The following CACNB2 variants were observed in gnomAD, a reference collection of about 807,000 sequenced individuals.
CACNB2 encodes the protein voltage-dependent L-type calcium channel subunit beta-2.
In CACNB2, 42 loss-of-function variants were observed where a neutral mutation model predicts 73.3. The observed-to-expected ratio is 0.57, with a 90% CI of 0.45 to 0.74. The LOEUF (loss-of-function observed/expected upper bound fraction) is 0.74, where lower values mean the gene tolerates loss of function less well. CACNB2 is among the 30% of genes least tolerant of loss of function. CACNB2 has a pLI of 0.00. For synonymous variants in CACNB2, 348 were observed against 310.3 expected (o/e 1.12, Z -1.28); for missense variants, 940 against 853.0 (o/e 1.10, Z -1.27).
At chr10:18,238,833 C>G (rs562216871) in intron 2 of CACNB2, among the ~76,000 whole-genome samples, 1 of 152,200 alleles carries the variant, frequency 6.6e-6, no homozygotes, top group Non-Finnish European at 1.5e-5. Context: ...CTGCCTTTAA[C>G]TAACACAACC....
chr10:18,515,926 G>T (rs1487452012), intron 7 of CACNB2, among the ~76,000 whole-genome samples: 4 of 152,158 alleles, frequency 2.6e-5, no homozygotes, highest in Non-Finnish European at 1.5e-5. Context: ...TAAATAATTT[G>T]AGCAGGCAGG....
intron 1 of CACNB2, among the ~76,000 whole-genome samples, chr10:18,150,296 C>T (rs1485853031): frequency 6.6e-6 from 1 of 152,184 alleles, no homozygotes. Flanking sequence ...CAGGCTTTTG[C>T]CTCTTGCCTG....
chr10:18,389,459 C>T (rs529707721), intron 2 of CACNB2, among the ~76,000 whole-genome samples: 80 of 152,202 alleles, frequency 5.3e-4, no homozygotes, highest in African/African-American at 1.9e-3. Flanking sequence ...GTTTTACATA[C>T]GTGAATGTAT....
chr10:18,496,185 CAAAAAAAAAAAA>C (rs57139534), intron 3 of CACNB2, among the ~76,000 whole-genome samples: 1 of 84,100 alleles, frequency 1.2e-5, no homozygotes, highest in Non-Finnish European at 2.2e-5. Context: ...GACTCAGTCT[CAAAAAAAAAAAA>C]AAAAAAAAAT....
At chr10:18,292,348 A>T (rs1310275140) in intron 2 of CACNB2, among the ~76,000 whole-genome samples, 1 of 152,186 alleles carries the variant, frequency 6.6e-6, no homozygotes, top group East Asian at 1.9e-4. Flanking sequence ...TCCTAATCAA[A>T]TTTGACTCCT....
At chr10:18,237,405 G>A (rs566585877) in intron 2 of CACNB2, among the ~76,000 whole-genome samples, 1 of 152,302 alleles carries the variant, frequency 6.6e-6, no homozygotes, top group South Asian at 2.1e-4. Flanking sequence ...GTCATCCAAA[G>A]GTGGAGGCAG....
intron 2 of CACNB2, among the ~76,000 whole-genome samples, chr10:18,252,253 CG>C: frequency 6.6e-6 from 1 of 152,184 alleles, no homozygotes; most frequent in East Asian, 1.9e-4. Context: ...GGGCATTTAC[CG>C]GAAGGAATGC....
intron 12 of CACNB2, 63 bp downstream of exon 12, chr10:18,536,259 T>TTC: frequency 3.0e-6 from 2 of 668,862 alleles, no homozygotes; most frequent in South Asian, 3.5e-5. Flanking sequence ...TTTTTTTTTT[T>TTC]TTTTTTTTTT....
At chr10:18,356,672 C>T (rs142436552) in intron 2 of CACNB2, among the ~76,000 whole-genome samples, 7 of 152,044 alleles carry the variant, frequency 4.6e-5, no homozygotes, top group African/African-American at 1.4e-4. Context: ...ACTCTATTGC[C>T]CAAGCTAGAG....
At chr10:18,381,485 C>G (rs373579453) in intron 2 of CACNB2, among the ~76,000 whole-genome samples, 1 of 151,974 alleles carries the variant, frequency 6.6e-6, no homozygotes, top group African/African-American at 2.4e-5. Flanking sequence ...GGTCAGGAGT[C>G]AAGACCAGCC....
chr10:18,310,630 T>TAAAAAAAAAAAAAAAAAAAAAAAGAA (rs760799280), intron 2 of CACNB2, among the ~76,000 whole-genome samples: 1 of 99,506 alleles, frequency 1.0e-5, no homozygotes, highest in African/African-American at 3.8e-5. Flanking sequence ...AAAAAAAAAG[T>TAAAAAAAAAAAAAAAAAAAAAAAGAA]AAAAAAAAAA....
intron 2 of CACNB2, among the ~76,000 whole-genome samples, chr10:18,329,452 A>T (rs1449173446): frequency 6.6e-6 from 1 of 151,290 alleles, no homozygotes; most frequent in Non-Finnish European, 1.5e-5. Context: ...GTGGCTGTGA[A>T]TATTTTTTCC....
intron 3 of CACNB2, among the ~76,000 whole-genome samples, chr10:18,431,881 C>T (rs1046064852): frequency 6.6e-6 from 1 of 152,100 alleles, no homozygotes; most frequent in African/African-American, 2.4e-5. Flanking sequence ...TTTTCTGACT[C>T]AGCCTCCTGA....
intron 3 of CACNB2, among the ~76,000 whole-genome samples, chr10:18,433,137 AT>A (rs2045972149): frequency 6.6e-6 from 1 of 151,906 alleles, no homozygotes; most frequent in African/African-American, 2.4e-5. Flanking sequence ...ATATATATAT[AT>A]ATATATTTGA....
At position 18,513,010 on chromosome 10, in the gene CACNB2, G is replaced by A. The variant is rs556441866; in HGVS notation, c.671-1226G>A. 1.1e-3 allele frequency: 213 copies of A among 191,544 alleles called. 2 individuals carry two copies. The South Asian group carries it at 0.022, about 20-fold the overall frequency. The allele number at this position is 191,544 out of a possible 1,614,324, so 11.9% of individuals were successfully genotyped here. The stretch of plus-strand genomic sequence containing the variant: ...TTTCGCTGCATCTCATCGATCTGCT[G>A]AGCATACTTCTCAGATGTGATGTTT... On this transcript the variant is annotated intron_variant, in intron 6 of 13. Coordinates refer to ENST00000324631, the MANE Select transcript of CACNB2 (RefSeq NM_201596.3).
chr10:18,424,301 G>C (rs961987933), intron 3 of CACNB2, among the ~76,000 whole-genome samples: 5 of 152,100 alleles, frequency 3.3e-5, no homozygotes, highest in African/African-American at 1.2e-4. Flanking sequence ...TGTAGGCAGA[G>C]AGTAACAGCT....
intron 3 of CACNB2, among the ~76,000 whole-genome samples, chr10:18,476,487 A>G (rs1248371448): frequency 6.6e-6 from 1 of 152,134 alleles, no homozygotes; most frequent in Admixed American, 6.5e-5. Context: ...CTTGGTATAC[A>G]CGCTATGTAA....
At chr10:18,484,420 T>TG (rs2048953428) in intron 3 of CACNB2, among the ~76,000 whole-genome samples, 1 of 9,658 alleles carries the variant, frequency 1.0e-4, no homozygotes, top group Non-Finnish European at 1.9e-4. Flanking sequence ...ATAGATACAG[T>TG]ATAGAGAAAA....
chr10:18,141,493 G>A (rs1222157306), intron 1 of CACNB2, among the ~76,000 whole-genome samples: 1 of 152,206 alleles, frequency 6.6e-6, no homozygotes, highest in East Asian at 1.9e-4. Flanking sequence ...CGAGTGAGCT[G>A]GGGACAAGAA....
Sources: allele counts gnomAD v4.1 joint callset (sites outside exome capture counted in the v4.1 genomes callset), GRCh38; gene constraint gnomAD v4.1.1; transcripts MANE v1.5; gene names NCBI Gene and HGNC (gene_info 2026-07-23, HGNC 2026-07-21).